CSMD1: variants seen among roughly 807,000 people sequenced by gnomAD.
The protein encoded by CSMD1 is CUB and sushi domain-containing protein 1.
A neutral mutation model predicts 417.5 loss-of-function variants in CSMD1; 213 were observed. The observed-to-expected ratio is 0.51, with a 90% CI of 0.46 to 0.57. The LOEUF (loss-of-function observed/expected upper bound fraction) is 0.57, where lower values mean the gene tolerates loss of function less well. CSMD1 is among the 20% of genes least tolerant of loss of function. The pLI is 0.00. For synonymous variants in CSMD1, 2,862 were observed against 1,736.8 expected, an observed-to-expected ratio of 1.65 and a Z score of -16.11; for missense variants, 6,923 against 4,529.7, an observed-to-expected ratio of 1.53 and a Z score of -15.17.
rs139008975 is a variant in CSMD1, at chr8:3,873,048, C to A, written c.819-119006G>T. Among the ~76,000 whole-genome samples the A allele has an allele frequency of 3.9e-3, 592 of 151,974 alleles. 3 individuals carry two copies. Among genetic ancestry groups the A allele is most frequent in the African/African-American group, 0.012 (485 of 41,446 alleles). Reference sequence around the variant, plus strand: ...GAATTGTTGTTATTAAAAAATCAAACAACAACAGATGCTGGCAAGGTTGCA... The same window carrying A: ...GAATTGTTGTTATTAAAAAATCAAAAAACAACAGATGCTGGCAAGGTTGCA... On this transcript the variant is annotated intron_variant, in intron 5 of 69. Transcript: ENST00000635120.
At chr8:4,374,979 G>C in intron 3 of CSMD1, among the ~76,000 whole-genome samples, 1 of 118,822 alleles carries the variant, frequency 8.4e-6, no homozygotes, top group East Asian at 3.1e-4. Context: ...GGGGGCGATA[G>C]TGGGGGTACG....
intron 5 of CSMD1, among the ~76,000 whole-genome samples, chr8:3,814,891 G>A (rs1039635109): frequency 6.6e-6 from 1 of 152,052 alleles, no homozygotes; most frequent in African/African-American, 2.4e-5. Context: ...TAAAGTCATG[G>A]TGAAAATAAA....
At chr8:4,822,509 G>A (rs1157031749) in intron 1 of CSMD1, among the ~76,000 whole-genome samples, 1 of 152,082 alleles carries the variant, frequency 6.6e-6, no homozygotes. Context: ...ATTTACCTGG[G>A]CCACAGGATA....
intron 2 of CSMD1, among the ~76,000 whole-genome samples, chr8:4,635,402 T>C (rs1277860573): frequency 6.6e-6 from 1 of 152,134 alleles, no homozygotes; most frequent in Non-Finnish European, 1.5e-5. Context: ...AAAATGATCA[T>C]AATAGTACCA....
At chr8:4,700,819 T>C (rs1273448015) in intron 1 of CSMD1, among the ~76,000 whole-genome samples, 2 of 152,004 alleles carry the variant, frequency 1.3e-5, no homozygotes, top group East Asian at 1.9e-4. Flanking sequence ...GATTAGAGCA[T>C]GAAAAAAAGG....
intron 27 of CSMD1, among the ~76,000 whole-genome samples, chr8:3,225,320 G>C (rs1264837243): frequency 2.6e-5 from 4 of 151,380 alleles, no homozygotes; most frequent in Admixed American, 1.3e-4. Context: ...AAATTCCACA[G>C]ATATACGTTC....
chr8:4,209,001 A>C (rs746592488), intron 3 of CSMD1, among the ~76,000 whole-genome samples: 5 of 152,202 alleles, frequency 3.3e-5, no homozygotes, highest in Non-Finnish European at 7.4e-5. Context: ...CTTTCTGCTT[A>C]TGCCGTGAAC....
chr8:3,151,455 T>C lies in CSMD1; in HGVS notation c.5973A>G (p.Pro1991=). The C allele has an allele frequency of 6.8e-6, 11 of 1,613,888 alleles. No homozygotes were observed. Among genetic ancestry groups the C allele is most frequent in the Non-Finnish European group, 9.3e-6 (11 of 1,179,912 alleles). Residue 1991 remains proline, a synonymous_variant, in exon 40 of 70, where the codon CCA becomes CCG. Coordinates refer to ENST00000635120, the MANE Select transcript of CSMD1 (RefSeq NM_033225.6). ...LGGVILSPGF[P]GSYPNNLDCT... ...AGTCTAAGTTGTTGGGGTAAGAACC[T>C]GGGAAGCCGGGGCTCAGGATCACAC...
At chr8:3,528,858 G>T (rs551063664) in intron 10 of CSMD1, among the ~76,000 whole-genome samples, 1 of 152,220 alleles carries the variant, frequency 6.6e-6, no homozygotes, top group East Asian at 1.9e-4. Flanking sequence ...AACTAAATGA[G>T]TTTTAATACT....
At chr8:3,312,062 A>G (rs1005373315) in intron 23 of CSMD1, among the ~76,000 whole-genome samples, 1 of 152,198 alleles carries the variant, frequency 6.6e-6, no homozygotes, top group Non-Finnish European at 1.5e-5. Context: ...AACTTGCATT[A>G]AAGCTTTGTT....
chr8:4,717,166 A>G (rs1808709944), intron 1 of CSMD1, among the ~76,000 whole-genome samples: 2 of 151,818 alleles, frequency 1.3e-5, no homozygotes, highest in Admixed American at 6.6e-5. Context: ...ACAGTGAGAT[A>G]TTTGGGAGTC....
At chr8:4,692,903 A>C (rs1468164888) in intron 1 of CSMD1, among the ~76,000 whole-genome samples, 1 of 152,156 alleles carries the variant, frequency 6.6e-6, no homozygotes, top group Non-Finnish European at 1.5e-5. Context: ...TAATTGCTTA[A>C]ACACTGACCA....
At chr8:3,092,677 T>C (rs374690868) in intron 47 of CSMD1, among the ~76,000 whole-genome samples, 5 of 152,204 alleles carry the variant, frequency 3.3e-5, no homozygotes, top group South Asian at 2.1e-4. Flanking sequence ...ATTGAAAGTA[T>C]AGGTAAGAAA....
intron 5 of CSMD1, among the ~76,000 whole-genome samples, chr8:3,970,000 T>G (rs1349126678): frequency 6.6e-6 from 1 of 152,232 alleles, no homozygotes; most frequent in African/African-American, 2.4e-5. Flanking sequence ...TTTGATTCAG[T>G]AATTTGGCAA....
chr8:3,849,966 C>G (rs978966893), intron 5 of CSMD1, among the ~76,000 whole-genome samples: 6 of 151,386 alleles, frequency 4.0e-5, no homozygotes, highest in African/African-American at 1.5e-4. Context: ...CAGGCACCCA[C>G]TACCATGCTC....
At chr8:4,030,824 A>T (rs2554571) in intron 4 of CSMD1, among the ~76,000 whole-genome samples, 143,227 of 152,282 alleles carry the variant, frequency 0.94, 67,455 homozygotes, top group East Asian at 0.99. Flanking sequence ...AGCACCCAAG[A>T]CACCTCTTGA....
At chr8:3,387,848 C>T (rs1261796877) in intron 17 of CSMD1, among the ~76,000 whole-genome samples, 166 bp from the exon 18 acceptor site, 3 of 152,180 alleles carry the variant, frequency 2.0e-5, no homozygotes, top group African/African-American at 7.2e-5. Context: ...CATCTTCAAA[C>T]ATTTGACCTC....
intron 1 of CSMD1, among the ~76,000 whole-genome samples, chr8:4,694,779 G>A (rs1047593741): frequency 2.0e-5 from 3 of 152,044 alleles, no homozygotes; most frequent in South Asian, 2.1e-4. Context: ...GCTGTGTCAC[G>A]GGACTGCGCG....
chr8:4,895,073 T>C (rs1804388114), intron 1 of CSMD1, among the ~76,000 whole-genome samples: 1 of 152,184 alleles, frequency 6.6e-6, no homozygotes, highest in Non-Finnish European at 1.5e-5. Context: ...ACATTAAACA[T>C]GAGTAAATAT....
Sources: allele counts gnomAD v4.1 joint callset (sites outside exome capture counted in the v4.1 genomes callset), GRCh38; gene constraint gnomAD v4.1.1; transcripts MANE v1.5; gene names NCBI Gene and HGNC (gene_info 2026-07-23, HGNC 2026-07-21).